Variants in UBR2 observed in about 807,000 individuals in gnomAD.
The protein encoded by UBR2 is ubiquitin protein ligase E3 component n-recognin 2, also known as E3 ubiquitin-protein ligase UBR2.
UBR2 carries 92 observed loss-of-function variants against 247.9 expected under a neutral mutation model. The ratio of observed to expected loss-of-function variants is 0.37; its 90% confidence interval spans 0.31 to 0.44. The LOEUF is 0.44. UBR2 is among the 20% of genes least tolerant of loss of function. The pLI is 1.00. For missense variants in UBR2, 1,613 were observed against 2,112.6 expected, an observed-to-expected ratio of 0.76 and a Z score of 4.64; for synonymous variants, 672 against 693.5, an observed-to-expected ratio of 0.97 and a Z score of 0.49.
At chr6:42,688,088 G>A (rs1799547095) in intron 44 of UBR2, 128 bp from the exon 45 acceptor site, 1 of 1,015,376 alleles carries the variant, frequency 9.8e-7, no homozygotes, top group South Asian at 1.5e-5. Flanking sequence ...AACTTGCATA[G>A]ACTGTAGGAT....
intron 42 of UBR2, among the ~76,000 whole-genome samples, chr6:42,680,938 C>T (rs980358149): frequency 1.3e-5 from 2 of 151,888 alleles, no homozygotes; most frequent in Non-Finnish European, 2.9e-5. Context: ...CCCAGACGGG[C>T]GGATCACGAG....
rs147984017 is a variant in UBR2, at chr6:42,641,484, A to G, written c.1921-98A>G. 9.4e-4 allele frequency: 715 copies of G among 762,914 alleles called. 8 individuals are homozygous for G. The East Asian group carries it at 0.014, about 15-fold the overall frequency. 47.3% of individuals were successfully genotyped at this position (762,914 alleles called of 1,614,324 possible). A position where few individuals can be genotyped will look rare whatever the true frequency, so the allele number is the denominator to read the frequency against. On this transcript the variant is annotated intron_variant, in intron 16 of 46. Coordinates refer to ENST00000372901, the MANE Select transcript of UBR2 (RefSeq NM_001363705.2). ...ATAATAATAATTTATATTGTGTTTT[A>G]TAAAAGCATTTATCTCTATCGACCA...
Position 42,691,305 on chromosome 6 carries a change from G to A in UBR2, c.*132G>A. 7.8e-7 allele frequency: 1 copy of A among 1,283,170 alleles called. No homozygotes were observed. Among genetic ancestry groups the A allele is most frequent in the Non-Finnish European group, 1.1e-6 (1 of 925,220 alleles). The allele number at this position is 1,283,170 out of a possible 1,614,324, so 79.5% of individuals were successfully genotyped here. A position where few individuals can be genotyped will look rare whatever the true frequency, so the allele number is the denominator to read the frequency against. The stretch of plus-strand genomic sequence containing the variant: ...TTCCTTCCCAGTTTTATAGTTTCTG[G>A]TTCTGAGGACTGATGAAAATCATCT... On this transcript the variant is annotated 3_prime_UTR_variant, in exon 47 of 47. Transcript: ENST00000372901.
In UBR2 at chr6:42,690,716, G is replaced by A. The variant is rs73424482; in HGVS notation, c.5127-316G>A. On this transcript the variant is annotated intron_variant, in intron 46 of 46. Coordinates refer to ENST00000372901, the MANE Select transcript of UBR2 (RefSeq NM_001363705.2). ...TTTTTACACGTTACCAACAAAATGG[G>A]CAATGAATTGGTAGTTTTAGCCTCT... Among the ~76,000 whole-genome samples, 533 of 152,092 alleles carry A rather than the reference G, an allele frequency of 3.5e-3. 2 individuals are homozygous for A. The highest frequency in any genetic ancestry group is 0.011 in the African/African-American group (451 of 41,462).
chr6:42,617,659 A>G (rs1794646605), intron 11 of UBR2, among the ~76,000 whole-genome samples, 152 bp downstream of exon 11: 1 of 152,214 alleles, frequency 6.6e-6, no homozygotes, highest in Non-Finnish European at 1.5e-5. Context: ...TTTTACTAGA[A>G]TATAACCTTG....
intron 3 of UBR2, among the ~76,000 whole-genome samples, chr6:42,593,110 G>A (rs1478259489): frequency 1.1e-4 from 16 of 152,096 alleles, no homozygotes; most frequent in Non-Finnish European, 2.2e-4. Flanking sequence ...GGAGGCGGAG[G>A]TTGCAGTGAG....
intron 11 of UBR2, among the ~76,000 whole-genome samples, chr6:42,620,995 G>C (rs1455722092): frequency 3.3e-5 from 5 of 151,958 alleles, no homozygotes; most frequent in Non-Finnish European, 2.9e-5. Flanking sequence ...TTGTTTGTTT[G>C]TATTTTTAGT....
intron 2 of UBR2, among the ~76,000 whole-genome samples, chr6:42,586,862 C>T (rs1792317694): frequency 7.7e-6 from 1 of 130,630 alleles, no homozygotes; most frequent in African/African-American, 3.1e-5. Flanking sequence ...CACTCTGTCG[C>T]TGAGGCTGGA....
chr6:42,611,893 C>G (rs910156621), intron 7 of UBR2, among the ~76,000 whole-genome samples: 1 of 141,924 alleles, frequency 7.0e-6, no homozygotes, highest in South Asian at 2.2e-4. Flanking sequence ...GGTGACAGAG[C>G]GAGACTCCAC....
In UBR2 at chr6:42,689,578, A is replaced by G. The variant is rs1799636613; in HGVS notation, c.5034A>G (p.Glu1678=). The change falls in exon 46 of 47, where the codon GAA becomes GAG. Residue 1678 remains glutamate (E), a synonymous_variant. Transcript: ENST00000372901. This position sits in a 1 kb window ranked among gnomAD's most constrained non-coding sequence, Gnocchi z 4.0. ...ACTGATCTCTCTACAGAGTACGGGA[A>G]TGTCAGGTGCTATTTTTAGCTGGCA... The part of the protein sequence containing the change: ...SGVGIFLRVR[E]CQVLFLAGKT... 1.9e-6 allele frequency: 3 copies of G among 1,613,952 alleles called. No homozygotes were observed. Among genetic ancestry groups the G allele is most frequent in the Non-Finnish European group, 2.5e-6 (3 of 1,179,852 alleles).
chr6:42,626,975 G>A (rs1795386246), intron 11 of UBR2, among the ~76,000 whole-genome samples: 1 of 152,148 alleles, frequency 6.6e-6, no homozygotes, highest in Non-Finnish European at 1.5e-5. Context: ...CCCAGATAGA[G>A]CCGATTTATG....
chr6:42,613,792 T>C (rs1263715385), intron 8 of UBR2, among the ~76,000 whole-genome samples: 5 of 152,144 alleles, frequency 3.3e-5, no homozygotes, highest in Non-Finnish European at 5.9e-5. Flanking sequence ...TTTTAAAGGA[T>C]TTCTGTTTGA....
intron 11 of UBR2, among the ~76,000 whole-genome samples, chr6:42,627,128 G>T (rs1391425776): frequency 2.0e-5 from 3 of 152,144 alleles, no homozygotes; most frequent in East Asian, 1.9e-4. Context: ...GGAAATAGGG[G>T]ATGCTGATTG....
At chr6:42,644,685 T>A (rs1243339125) in intron 20 of UBR2, 149 bp downstream of exon 20, 4 of 651,104 alleles carry the variant, frequency 6.1e-6, no homozygotes, top group African/African-American at 5.5e-5. Flanking sequence ...TTTTCTCCCC[T>A]CTGGTTACTG....
chr6:42,688,924 A>C (rs1397495170), intron 45 of UBR2, among the ~76,000 whole-genome samples: 1 of 152,226 alleles, frequency 6.6e-6, no homozygotes, highest in Non-Finnish European at 1.5e-5. Context: ...AGGAGAAAAA[A>C]TAAAGCAGGG....
At chr6:42,614,375 T>TAGATATGTATGTACGTACATACATAC (rs70990112) in intron 8 of UBR2, among the ~76,000 whole-genome samples, 1 of 69,752 alleles carries the variant, frequency 1.4e-5, no homozygotes, top group Non-Finnish European at 3.0e-5. Context: ...TGTGTATGTG[T>TAGATATGTATGTACGTACATACATAC]GTATATATGT....
At chr6:42,597,080 A>T (rs1301825433) in intron 4 of UBR2, among the ~76,000 whole-genome samples, 1 of 152,156 alleles carries the variant, frequency 6.6e-6, no homozygotes, top group African/African-American at 2.4e-5. Context: ...TCTAATGAAA[A>T]GTTTTGAATC....
intron 1 of UBR2, among the ~76,000 whole-genome samples, chr6:42,568,634 G>C (rs1790925530): frequency 2.0e-5 from 3 of 152,076 alleles, no homozygotes; most frequent in Admixed American, 2.0e-4. Flanking sequence ...GGAGGCTGAG[G>C]CAGGAGAATG....
rs1405244462 is a variant in UBR2, at chr6:42,594,301, A to C, written c.528A>C (p.Glu176Asp). 6.2e-7 allele frequency: 1 copy of C among 1,603,732 alleles called. No individual in the cohort carries two copies. Among genetic ancestry groups the C allele is most frequent in the Admixed American group, 1.7e-5 (1 of 58,880 alleles). Residue 176 changes from glutamate (E) to aspartate (D), a missense_variant, in exon 4 of 47, where the codon GAA (glutamate) becomes GAC (aspartate). By Grantham distance (45) the Glu-to-Asp change is conservative. Around this residue, in one of 3 missense-constraint regions of UBR2, gnomAD observed 1,524 missense variants for 1,967.3 expected, o/e 0.77. Transcript: ENST00000372901. ...HELNTSEIEE[E>D]EDPLVHLSED... is the part of the protein sequence containing the mutation. ...TTAACACCTCTGAAATTGAGGAAGA[A>C]GAGGTAAAAACATTTTCACAAAGTT...
Sources: gnomAD v4.1 joint callset for allele counts (sites outside exome capture counted in the v4.1 genomes callset) on GRCh38, gnomAD v4.1.1 for gene constraint, gnomAD v4.1.1 regional missense constraint, Gnocchi (gnomAD v3.1) non-coding constraint, MANE v1.5 for transcripts, NCBI Gene and HGNC (gene_info 2026-07-23, HGNC 2026-07-21) for gene names.